Variants in NFS1 observed in about 807,000 individuals in gnomAD.
NFS1 encodes the protein NFS1 cysteine desulfurase.
In NFS1, 26 loss-of-function variants were observed where a neutral mutation model predicts 57.3. The observed-to-expected ratio is 0.45, with a 90% CI of 0.33 to 0.63. The LOEUF (loss-of-function observed/expected upper bound fraction) is 0.63. Among genes scored for constraint, NFS1 ranks in the 20% least tolerant of loss-of-function variants. The probability of loss-of-function intolerance (pLI) is 0.02; values close to 1 mark genes in which losing one functional copy is unlikely to be tolerated. For synonymous variants in NFS1, 209 were observed against 216.3 expected, an observed-to-expected ratio of 0.97 and a Z score of 0.30; for missense variants, 505 against 605.8, an observed-to-expected ratio of 0.83 and a Z score of 1.75.
intron 4 of NFS1, among the ~76,000 whole-genome samples, chr20:35,695,519 G>C (rs2035117794): frequency 1.3e-5 from 2 of 152,150 alleles, no homozygotes; most frequent in African/African-American, 4.8e-5. Context: ...CCTTTTCCTT[G>C]CATTAGCACC....
At chr20:35,692,415 G>C in intron 4 of NFS1, 1 of 171,426 alleles carries the variant, frequency 5.8e-6, no homozygotes, top group Non-Finnish European at 1.2e-5. Context: ...AAAAAAAGGG[G>C]GCTGGATGTG....
chr20:35,688,449 C>T (rs1413021137), intron 5 of NFS1, among the ~76,000 whole-genome samples: 3 of 151,302 alleles, frequency 2.0e-5, no homozygotes, highest in Admixed American at 6.6e-5. Context: ...CCTTGCTGCT[C>T]GGTAGGCTAA....
chr20:35,695,535 T>A (rs1464445866), intron 4 of NFS1, among the ~76,000 whole-genome samples: 1 of 152,200 alleles, frequency 6.6e-6, no homozygotes, highest in Non-Finnish European at 1.5e-5. Flanking sequence ...GCACCAAAGA[T>A]CTTCTATGTA....
chr20:35,687,240 T>C (rs1429082646), intron 5 of NFS1, among the ~76,000 whole-genome samples: 1 of 152,206 alleles, frequency 6.6e-6, no homozygotes, highest in Non-Finnish European at 1.5e-5. Context: ...CGCAGTTATC[T>C]GGAGGCCTAA....
intron 8 of NFS1, 37 bp downstream of exon 8, chr20:35,675,008 G>T: frequency 6.2e-7 from 1 of 1,613,324 alleles, no homozygotes; most frequent in Non-Finnish European, 8.5e-7. Context: ...CCCAGCACAG[G>T]GGAAGAAGTT....
intron 4 of NFS1, among the ~76,000 whole-genome samples, chr20:35,694,013 G>C (rs2035087464): frequency 6.6e-6 from 1 of 152,066 alleles, no homozygotes; most frequent in South Asian, 2.1e-4. Flanking sequence ...AGGCGTGCTA[G>C]TACACGCCTG....
chr20:35,678,067 A>G (rs768007053), intron 7 of NFS1, among the ~76,000 whole-genome samples: 1 of 151,872 alleles, frequency 6.6e-6, no homozygotes, highest in Non-Finnish European at 1.5e-5. Flanking sequence ...TACAAAAATT[A>G]GGCCGGGTGT....
At chr20:35,676,634 A>C (rs2034750673) in intron 7 of NFS1, among the ~76,000 whole-genome samples, 1 of 151,936 alleles carries the variant, frequency 6.6e-6, no homozygotes, top group Admixed American at 6.6e-5. Flanking sequence ...TGAAACAGTG[A>C]GTACAGTATG....
In NFS1 at chr20:35,697,750, C is replaced by A. The variant is rs1024411583; in HGVS notation, c.258G>T (p.Gly86=). ...AMLPYLINYY[G]NPHSRTHAYG... is the part of the protein sequence containing the mutation. ...AAGCATGTGTCCGGGAGTGTGGGTT[C>A]CCATAGTAGTTGATTAGGTAAGGGA... The change falls in exon 3 of 13, where the codon GGG becomes GGT. Residue 86 remains glycine, a synonymous_variant. Coordinates refer to ENST00000374092, the MANE Select transcript of NFS1 (RefSeq NM_021100.5). The A allele has an allele frequency of 6.2e-7, 1 of 1,613,830 alleles. No homozygotes were observed. The highest frequency in any genetic ancestry group is 1.3e-5 in the African/African-American group (1 of 74,868).
intron 4 of NFS1, among the ~76,000 whole-genome samples, chr20:35,693,614 G>C (rs1427556175): frequency 1.3e-5 from 2 of 152,094 alleles, no homozygotes; most frequent in Non-Finnish European, 2.9e-5. Context: ...GATCACATGA[G>C]CCCAGGAGTT....
chr20:35,694,271 A>G (rs968437144), intron 4 of NFS1, among the ~76,000 whole-genome samples: 2 of 151,900 alleles, frequency 1.3e-5, no homozygotes, highest in Admixed American at 6.6e-5. Context: ...CAGCCTTCCA[A>G]GTAGCTAGGA....
In NFS1 at chr20:35,678,442, C is replaced by G. The variant is rs183304444; in HGVS notation, c.790+2295G>C. On this transcript the variant is annotated intron_variant, in intron 7 of 12. Coordinates refer to ENST00000374092, the MANE Select transcript of NFS1 (RefSeq NM_021100.5). ...ACTTGGGAGGCTGAGGCAGGAGAAT[C>G]GCTTGAACCCGGGAGGCGGAGGTTG... Among the ~76,000 whole-genome samples, 70 of 151,092 alleles carry G rather than the reference C, an allele frequency of 4.6e-4. No homozygotes were observed. The East Asian group carries it at 0.011, about 24-fold the overall frequency.
intron 4 of NFS1, among the ~76,000 whole-genome samples, chr20:35,690,838 T>A (rs2035028997): frequency 6.6e-6 from 1 of 152,174 alleles, no homozygotes; most frequent in Non-Finnish European, 1.5e-5. Flanking sequence ...TTCTGCCCAG[T>A]CAAATACAAA....
chr20:35,675,533 G>C (rs2034725491), intron 7 of NFS1: 1 of 293,996 alleles, frequency 3.4e-6, no homozygotes, highest in Non-Finnish European at 6.4e-6. Context: ...TCAGGGTAAT[G>C]GTCAAATAGA....
rs1777074304 is a variant in NFS1 at position 35,699,096 on chromosome 20, G to A, written c.97+96C>T. 7.4e-7 allele frequency: 1 copy of A among 1,353,006 alleles called. No individual in the cohort carries two copies. 83.8% of individuals were successfully genotyped at this position (1,353,006 alleles called of 1,614,324 possible). On this transcript the variant is annotated intron_variant, in intron 1 of 12. Transcript: ENST00000374092. This position sits in a 1 kb window ranked among gnomAD's most constrained non-coding sequence, Gnocchi z 4.4. ...TTGAGAGAAGGGTCAGAGGGTCTGG[G>A]CAGCAGGGTGGACAGGAAGGCTCCG...
At position 35,680,769 on chromosome 20, in the gene NFS1, C is replaced by G; in HGVS notation, c.758G>C (p.Ser253Thr). The change falls in exon 7 of 13, where the codon AGC becomes ACC. Residue 253 changes from serine (S) to threonine (T), a missense_variant. By Grantham distance (58) the Ser-to-Thr change is moderately conservative (BLOSUM62 1). Transcript: ENST00000374092. Reference sequence around the variant, plus strand: ...ACCGTAGATTTTGTGACCACTAATGCTCATGAGATCAATTTTCATGTCATT... The same window carrying G: ...ACCGTAGATTTTGTGACCACTAATGGTCATGAGATCAATTTTCATGTCATT... ...DVNDMKIDLM[S>T]ISGHKIYGPK... 5.1e-6 allele frequency: 8 copies of G among 1,569,554 alleles called. No homozygotes were observed. The highest frequency in any genetic ancestry group is 6.0e-6 in the Non-Finnish European group (7 of 1,159,178).
At position 35,668,755 on chromosome 20, in the gene NFS1, T is replaced by A. The variant is rs1371339447; in HGVS notation, c.*867A>T. 1 of 152,210 alleles carries A rather than the reference T, an allele frequency of 6.6e-6. No homozygotes were observed. The highest frequency in any genetic ancestry group is 2.4e-5 in the African/African-American group (1 of 41,444). The allele number at this position is 152,210 out of a possible 1,614,324, so 9.4% of individuals were successfully genotyped here. A position where few individuals can be genotyped will look rare whatever the true frequency, so the allele number is the denominator to read the frequency against. On this transcript the variant is annotated 3_prime_UTR_variant, in exon 13 of 13. Coordinates refer to ENST00000374092, the MANE Select transcript of NFS1 (RefSeq NM_021100.5). ...CTCTCCACTAAAATTTAAAACTCAG[T>A]GAGGGCAGGGTCTTTTTTGGTCCTG...
intron 12 of NFS1, among the ~76,000 whole-genome samples, chr20:35,670,198 G>T (rs2034630615): frequency 6.6e-6 from 1 of 152,050 alleles, no homozygotes; most frequent in Non-Finnish European, 1.5e-5. Context: ...CATCATCTTG[G>T]TATGCTGTAC....
intron 5 of NFS1, among the ~76,000 whole-genome samples, chr20:35,689,535 G>T (rs927507600): frequency 6.6e-6 from 1 of 152,084 alleles, no homozygotes; most frequent in African/African-American, 2.4e-5. Context: ...TTGGGAGGCC[G>T]AAGTGGGTGG....
Sources: gnomAD v4.1 joint callset for allele counts (sites outside exome capture counted in the v4.1 genomes callset) on GRCh38, gnomAD v4.1.1 for gene constraint, Gnocchi (gnomAD v3.1) non-coding constraint, MANE v1.5 for transcripts, NCBI Gene and HGNC (gene_info 2026-07-23, HGNC 2026-07-21) for gene names.